KIF21A: variants seen among roughly 807,000 people sequenced by gnomAD.
KIF21A encodes kinesin-like protein KIF21A.
KIF21A carries 114 observed loss-of-function variants against 202.9 expected under a neutral mutation model. The ratio of observed to expected loss-of-function variants is 0.56; its 90% CI spans 0.48 to 0.66. The LOEUF (loss-of-function observed/expected upper bound fraction) is 0.66, where lower values mean the gene tolerates loss of function less well. Among genes scored for constraint, KIF21A ranks in the 30% least tolerant of loss-of-function variants. The pLI is 0.00. For missense variants in KIF21A, 1,677 were observed against 1,994.9 expected (o/e 0.84, Z 3.04); for synonymous variants, 667 against 670.8 (o/e 0.99, Z 0.09).
At chr12:39,379,778 T>C (rs1004257063) in intron 1 of KIF21A, among the ~76,000 whole-genome samples, 1 of 152,198 alleles carries the variant, frequency 6.6e-6, no homozygotes. Flanking sequence ...TCTTATACCA[T>C]AGCCAGTGGT....
At chr12:39,367,200 C>T (rs1949660563) in intron 4 of KIF21A, 36 bp from the exon 5 acceptor site, 1 of 1,611,328 alleles carries the variant, frequency 6.2e-7, no homozygotes, top group South Asian at 1.1e-5. Flanking sequence ...TTTACTTGAA[C>T]AATAAACAAG....
intron 10 of KIF21A, among the ~76,000 whole-genome samples, chr12:39,353,394 T>G (rs1000101583): frequency 1.3e-5 from 2 of 152,162 alleles, no homozygotes; most frequent in African/African-American, 4.8e-5. Context: ...AATTACAGTG[T>G]TTTTAGATGG....
Position 39,322,721 on chromosome 12 carries a change from A to G in KIF21A, c.3618T>C (p.Ala1206=), listed in dbSNP as rs777847659. Residue 1206 remains alanine, a synonymous_variant, in exon 27 of 38, where the codon GCT becomes GCC. Transcript: ENST00000361418. Reference sequence around the variant, plus strand: ...GTGGGGGAGAGAGCTCTTTTTCCCTAGCAGAAGTACCACTTGTCTCTGTAT... The same window carrying G: ...GTGGGGGAGAGAGCTCTTTTTCCCTGGCAGAAGTACCACTTGTCTCTGTAT... ...GMNTETSGTS[A]REKELSPPPG... The G allele has an allele frequency of 1.2e-6, 2 of 1,614,044 alleles. No individual in the cohort carries two copies. The highest frequency in any genetic ancestry group is 4.5e-5 in the East Asian group (2 of 44,876).
At position 39,438,329 on chromosome 12, in the gene KIF21A, T is replaced by C. The variant is rs545440240; in HGVS notation, c.44+4598A>G. The stretch of plus-strand genomic sequence containing the variant: ...TATTAAAATAGTTCCTTCCAGTTAA[T>C]ATAGAGGCATCATTAGTGCCTGCAG... On this transcript the variant is annotated intron_variant, in intron 1 of 37. Coordinates refer to ENST00000361418, the MANE Select transcript of KIF21A (RefSeq NM_001173464.2). Among the ~76,000 whole-genome samples, 7 of 152,294 alleles carry C rather than the reference T, an allele frequency of 4.6e-5. 1 individual carries two copies. In the South Asian group the frequency reaches 1.4e-3, roughly 32 times the overall value.
At chr12:39,318,719 C>G (rs920102188) in intron 28 of KIF21A, among the ~76,000 whole-genome samples, 2 of 152,136 alleles carry the variant, frequency 1.3e-5, no homozygotes, top group Non-Finnish European at 2.9e-5. Flanking sequence ...CGGTGGCTCA[C>G]GCCTGTAATC....
rs148027037 is a variant in KIF21A, at chr12:39,367,145, A to G, written c.620T>C (p.Leu207Ser). 3 of 1,613,992 alleles carry G rather than the reference A, an allele frequency of 1.9e-6. No individual in the cohort carries two copies. In the Admixed American group the frequency reaches 5.0e-5, roughly 27 times the overall value. The change falls in exon 5 of 38, where the codon TTG (leucine) becomes TCG (serine). Residue 207 changes from leucine to serine, a missense_variant. Physicochemically the swap from Leu to Ser is moderately radical, Grantham distance 145 (BLOSUM62 -2). This residue lies in a region of KIF21A where 966 missense variants were observed against 1,180.9 expected (regional missense o/e 0.82). Coordinates refer to ENST00000361418, the MANE Select transcript of KIF21A (RefSeq NM_001173464.2). Reference sequence around the variant, plus strand: ...GGCAGTTGTCCGGGATAAAGCACCCAACTTCAAACACTGCATCATCTGAAA... The same window carrying G: ...GGCAGTTGTCCGGGATAAAGCACCCGACTTCAAACACTGCATCATCTGAAA... The part of the protein sequence containing the change: ...TESEMMQCLK[L>S]GALSRTTAST...
At chr12:39,416,029 A>G (rs1168414701) in intron 1 of KIF21A, among the ~76,000 whole-genome samples, 1 of 152,208 alleles carries the variant, frequency 6.6e-6, no homozygotes, top group Admixed American at 6.5e-5. Context: ...GCAACAAGCC[A>G]GGGTACAAAT....
At chr12:39,367,803 A>G (rs994406641) in intron 4 of KIF21A, 80 bp downstream of exon 4, 3 of 1,096,324 alleles carry the variant, frequency 2.7e-6, no homozygotes, top group Non-Finnish European at 4.1e-6. Context: ...TCATATCTTG[A>G]TCTTAAGCAG....
At chr12:39,303,317 TCTCA>T (rs1455372696) in intron 35 of KIF21A, among the ~76,000 whole-genome samples, 182 bp from the exon 36 acceptor site, 2 of 152,172 alleles carry the variant, frequency 1.3e-5, no homozygotes, top group African/African-American at 4.8e-5. Context: ...TGAGATAAGG[TCTCA>T]CTATGTTTCC....
chr12:39,343,594 A>G (rs1212127948), intron 12 of KIF21A, among the ~76,000 whole-genome samples: 2 of 152,126 alleles, frequency 1.3e-5, no homozygotes, highest in African/African-American at 4.8e-5. Context: ...TTTAGGCCCT[A>G]TTATAGCTAT....
At chr12:39,355,182 T>A (rs1486843318) in intron 10 of KIF21A, among the ~76,000 whole-genome samples, 3 of 152,178 alleles carry the variant, frequency 2.0e-5, no homozygotes. Context: ...CCATGAGTCA[T>A]CTCTGTTCTC....
intron 1 of KIF21A, among the ~76,000 whole-genome samples, chr12:39,429,068 A>G (rs1031423260): frequency 2.0e-5 from 3 of 152,206 alleles, no homozygotes; most frequent in Non-Finnish European, 2.9e-5. Context: ...GGGTCTTAGT[A>G]AAAACCTTGT....
chr12:39,316,121 T>G, intron 29 of KIF21A, 151 bp from the exon 30 acceptor site: 1 of 692,596 alleles, frequency 1.4e-6, no homozygotes. Context: ...GCACTGGATA[T>G]TAGCATGTTT....
intron 37 of KIF21A, among the ~76,000 whole-genome samples, chr12:39,296,419 T>G (rs1348384389): frequency 6.6e-6 from 1 of 152,152 alleles, no homozygotes; most frequent in African/African-American, 2.4e-5. Context: ...AGCTCAAATC[T>G]TTTGCCTTTG....
chr12:39,441,048 A>G (rs1167456913), intron 1 of KIF21A, among the ~76,000 whole-genome samples: 1 of 151,950 alleles, frequency 6.6e-6, no homozygotes, highest in African/African-American at 2.4e-5. Flanking sequence ...AGAAGAGAGA[A>G]AGAGAAAGGA....
chr12:39,398,067 T>C (rs1951888438), intron 1 of KIF21A, among the ~76,000 whole-genome samples: 1 of 152,250 alleles, frequency 6.6e-6, no homozygotes, highest in Non-Finnish European at 1.5e-5. Flanking sequence ...TTGTTCTAAC[T>C]GTAATTCTGT....
intron 1 of KIF21A, among the ~76,000 whole-genome samples, chr12:39,381,132 C>T (rs559199767): frequency 4.5e-4 from 69 of 151,794 alleles, no homozygotes; most frequent in Non-Finnish European, 7.1e-4. Context: ...AGTGAAACCC[C>T]GTCTCTACTA....
intron 1 of KIF21A, among the ~76,000 whole-genome samples, chr12:39,372,988 C>T (rs1480960325): frequency 6.6e-6 from 1 of 152,162 alleles, no homozygotes; most frequent in Non-Finnish European, 1.5e-5. Flanking sequence ...TTTCCTCCCC[C>T]ATCAACACCA....
Position 39,294,197 on chromosome 12 carries a change from A to C in KIF21A, c.*227T>G. On this transcript the variant is annotated 3_prime_UTR_variant, in exon 38 of 38. Transcript: ENST00000361418. ...GCCACAATAAAAGTGTGAATAAAGC[A>C]ATATATCAATTGTAGGATATATATC... 1 of 457,356 alleles carries C rather than the reference A, an allele frequency of 2.2e-6. No individual in the cohort carries two copies. The highest frequency in any genetic ancestry group is 4.0e-6 in the Non-Finnish European group (1 of 252,016). 28.3% of individuals were successfully genotyped at this position (457,356 alleles called of 1,614,324 possible).
Sources: gnomAD v4.1 joint callset for allele counts (sites outside exome capture counted in the v4.1 genomes callset) on GRCh38, gnomAD v4.1.1 for gene constraint, gnomAD v4.1.1 regional missense constraint, MANE v1.5 for transcripts, NCBI Gene and HGNC (gene_info 2026-07-23, HGNC 2026-07-21) for gene names.